Variants in CSMD1 observed in about 807,000 individuals in gnomAD.
The protein encoded by CSMD1 is CUB and sushi domain-containing protein 1.
In CSMD1, 213 loss-of-function variants were observed where a neutral mutation model predicts 417.5. The observed-to-expected ratio is 0.51, with a 90% CI of 0.46 to 0.57. The LOEUF (loss-of-function observed/expected upper bound fraction) is 0.57. Ranked by LOEUF, CSMD1 falls within the 20% of genes least tolerant of loss-of-function variation. CSMD1 has a pLI of 0.00. For missense variants in CSMD1, 6,923 were observed against 4,529.7 expected (o/e 1.53, Z -15.17); for synonymous variants, 2,862 against 1,736.8 (o/e 1.65, Z -16.11).
chr8:3,570,783 C>T (rs573578606), intron 10 of CSMD1, among the ~76,000 whole-genome samples: 77 of 152,234 alleles, frequency 5.1e-4, no homozygotes, highest in Non-Finnish European at 8.5e-4. Context: ...AGCAAGCAAG[C>T]TAATAAAGCG....
At chr8:4,936,541 G>C (rs375968995) in intron 1 of CSMD1, among the ~76,000 whole-genome samples, 2 of 152,194 alleles carry the variant, frequency 1.3e-5, no homozygotes, top group Non-Finnish European at 2.9e-5. Flanking sequence ...GTGAATAAAT[G>C]TTTGGAGGTA....
At chr8:3,184,607 A>G (rs1821630838) in intron 36 of CSMD1, among the ~76,000 whole-genome samples, 1 of 152,182 alleles carries the variant, frequency 6.6e-6, no homozygotes, top group Admixed American at 6.5e-5. Context: ...CTTACAATTA[A>G]ATAATGCTTG....
At chr8:4,471,038 T>G (rs1476698589) in intron 2 of CSMD1, among the ~76,000 whole-genome samples, 1 of 152,186 alleles carries the variant, frequency 6.6e-6, no homozygotes, top group Non-Finnish European at 1.5e-5. Context: ...CTTTTGAACT[T>G]GCAAGGTCTA....
At chr8:4,134,149 T>A (rs1416157549) in intron 3 of CSMD1, among the ~76,000 whole-genome samples, 2 of 152,170 alleles carry the variant, frequency 1.3e-5, no homozygotes, top group Non-Finnish European at 2.9e-5. Context: ...TTAATGACAT[T>A]GAAACTCATG....
chr8:4,859,619 C>T (rs1223123127), intron 1 of CSMD1, among the ~76,000 whole-genome samples: 4 of 152,068 alleles, frequency 2.6e-5, no homozygotes, highest in South Asian at 2.1e-4. Flanking sequence ...AGACACTTCT[C>T]AAAAGAAGAC....
At position 3,406,099 on chromosome 8, in the gene CSMD1, C is replaced by T; in HGVS notation, c.2194G>A (p.Gly732Arg). 6.2e-7 allele frequency: 1 copy of T among 1,613,912 alleles called. No homozygotes were observed. The highest frequency in any genetic ancestry group is 1.1e-5 in the South Asian group (1 of 91,074). ...AGTATGCAGGTAATGGACTCGGATC[C>T]CTGGGTCTTGACAAAGCCATCATCA... ...HCDDGFVKTQ[G>R]SESITCILQD... Residue 732 changes from glycine (G) to arginine (R), a missense_variant, in exon 15 of 70, where the codon GGA becomes AGA. Gly to Arg is a moderately radical substitution (Grantham distance 125). Transcript: ENST00000635120.
intron 5 of CSMD1, among the ~76,000 whole-genome samples, chr8:3,969,867 T>C (rs186470371): frequency 1.8e-4 from 28 of 152,296 alleles, no homozygotes; most frequent in Admixed American, 1.2e-3. Flanking sequence ...TAGAAAGCTG[T>C]CAAATTAGAA....
chr8:4,054,804 C>T (rs1271162234), intron 3 of CSMD1, among the ~76,000 whole-genome samples: 1 of 152,134 alleles, frequency 6.6e-6, no homozygotes, highest in Non-Finnish European at 1.5e-5. Context: ...ACAATGGAAA[C>T]AGAAGCTCCT....
At chr8:3,496,889 T>A (rs142027004) in intron 10 of CSMD1, among the ~76,000 whole-genome samples, 1 of 152,350 alleles carries the variant, frequency 6.6e-6, no homozygotes, top group African/African-American at 2.4e-5. Flanking sequence ...TTGGCCTATT[T>A]CTTCATAGAC....
intron 51 of CSMD1, among the ~76,000 whole-genome samples, chr8:3,028,687 G>C (rs189050797): frequency 6.6e-6 from 1 of 152,050 alleles, no homozygotes; most frequent in East Asian, 1.9e-4. Flanking sequence ...TTTTATTCTG[G>C]CATATTCTTA....
intron 1 of CSMD1, among the ~76,000 whole-genome samples, chr8:4,992,849 T>C (rs568258657): frequency 6.6e-6 from 1 of 151,978 alleles, no homozygotes; most frequent in Non-Finnish European, 1.5e-5. Flanking sequence ...CGAGCTTGGG[T>C]GACTAAGACC....
chr8:3,198,721 G>A (rs1796834143), intron 33 of CSMD1, among the ~76,000 whole-genome samples: 2 of 152,074 alleles, frequency 1.3e-5, no homozygotes, highest in South Asian at 2.1e-4. Flanking sequence ...GATTAGAAAC[G>A]ATTGATACAT....
intron 5 of CSMD1, among the ~76,000 whole-genome samples, chr8:3,956,015 G>C (rs931884165): frequency 3.9e-5 from 6 of 152,132 alleles, no homozygotes; most frequent in Non-Finnish European, 5.9e-5. Flanking sequence ...GGATGGTCTC[G>C]AACTCCTGAC....
chr8:4,399,089 C>A (rs1386116908), intron 3 of CSMD1, among the ~76,000 whole-genome samples: 2 of 152,110 alleles, frequency 1.3e-5, no homozygotes, highest in Non-Finnish European at 2.9e-5. Context: ...TGACTTTTAG[C>A]CATGTAAATG....
At chr8:2,976,147 A>C (rs564666992) in intron 55 of CSMD1, among the ~76,000 whole-genome samples, 106 of 152,264 alleles carry the variant, frequency 7.0e-4, no homozygotes, top group African/African-American at 2.1e-3. Context: ...CACAGGAATT[A>C]ATTGAATTGT....
chr8:4,342,014 C>G (rs562823541), intron 3 of CSMD1, among the ~76,000 whole-genome samples: 17 of 152,232 alleles, frequency 1.1e-4, no homozygotes, highest in African/African-American at 4.1e-4. Flanking sequence ...CATTTTAAGA[C>G]TTGGTCTCAA....
intron 25 of CSMD1, among the ~76,000 whole-genome samples, chr8:3,304,358 T>G (rs1348193889): frequency 6.6e-6 from 1 of 152,136 alleles, no homozygotes; most frequent in Admixed American, 6.5e-5. Context: ...CCAGACACCA[T>G]TTTTTCTGAG....
intron 12 of CSMD1, among the ~76,000 whole-genome samples, chr8:3,448,587 G>C (rs926026802): frequency 2.6e-5 from 4 of 152,096 alleles, no homozygotes; most frequent in African/African-American, 9.7e-5. Context: ...GTAAGTCCAT[G>C]AGTACTAATA....
chr8:3,348,297 G>T, intron 21 of CSMD1, 136 bp from the exon 22 acceptor site: 1 of 635,840 alleles, frequency 1.6e-6, no homozygotes, highest in Non-Finnish European at 2.5e-6. Context: ...TTTCAAAATA[G>T]ATCAGTGATT....
Sources: allele counts gnomAD v4.1 joint callset (sites outside exome capture counted in the v4.1 genomes callset), GRCh38; gene constraint gnomAD v4.1.1; transcripts MANE v1.5; gene names NCBI Gene and HGNC (gene_info 2026-07-23, HGNC 2026-07-21).